The following RIPK1 variants were observed in gnomAD, a reference collection of about 807,000 sequenced individuals.
RIPK1 encodes receptor interacting serine/threonine kinase 1, also known as receptor-interacting serine/threonine-protein kinase 1.
In RIPK1, 27 loss-of-function variants were observed where a neutral mutation model predicts 62.4. The ratio of observed to expected loss-of-function variants is 0.43; its 90% CI spans 0.32 to 0.60. The LOEUF is 0.60. Among genes scored for constraint, RIPK1 ranks in the 20% least tolerant of loss-of-function variants. RIPK1 has a pLI of 0.07. For missense variants in RIPK1, 735 were observed against 831.0 expected (o/e 0.88, Z 1.42); for synonymous variants, 287 against 303.2 (o/e 0.95, Z 0.55).
chr6:3,098,991 G>A (rs888613167), intron 7 of RIPK1, among the ~76,000 whole-genome samples: 2 of 152,218 alleles, frequency 1.3e-5, no homozygotes, highest in African/African-American at 4.8e-5. Context: ...CACAGCTGCA[G>A]GCTGTTTGTT....
In RIPK1 at chr6:3,072,536, C is replaced by T. The variant is rs987138525; in HGVS notation, c.-61+3875C>T. On this transcript the variant is annotated intron_variant, in intron 1 of 10. Coordinates refer to ENST00000259808, the MANE Select transcript of RIPK1 (RefSeq NM_001354930.2). The surrounding 1 kb of genome is among the most constrained non-coding windows in gnomAD (Gnocchi z 5.6). ...ATATTTTTATTTTTATTTTTTTGGA[C>T]AATTAAATAGTTCTCTTTTTAAAAT... 1.3e-5 allele frequency among the ~76,000 whole-genome samples: 2 copies of T among 151,964 alleles called. No homozygotes were observed. Among genetic ancestry groups the T allele is most frequent in the African/African-American group, 4.8e-5 (2 of 41,378 alleles).
At chr6:3,069,217 T>C (rs538541352) in intron 1 of RIPK1, among the ~76,000 whole-genome samples, 1 of 152,326 alleles carries the variant, frequency 6.6e-6, no homozygotes, top group South Asian at 2.1e-4. Flanking sequence ...CAGTTTGGGC[T>C]CTTCCCTTAC....
rs773239446 is a variant in RIPK1 at position 3,077,939 on chromosome 6, G to A, written c.321+4G>A. The A allele has an allele frequency of 1.7e-5, 28 of 1,613,506 alleles. No homozygotes were observed. The highest frequency in any genetic ancestry group is 2.4e-5 in the Non-Finnish European group (28 of 1,179,908). ...GATGCACGTGCTGAAAGCCGAGGTA[G>A]AGAGGGCCCCTCCGCACGGGGATCC... is the stretch of plus-strand genomic sequence containing the variant. On this transcript the variant is annotated splice_donor_region_variant and intron_variant, in intron 3 of 10. Coordinates refer to ENST00000259808, the MANE Select transcript of RIPK1 (RefSeq NM_001354930.2).
At chr6:3,107,660 G>A (rs1373668672) in intron 9 of RIPK1, among the ~76,000 whole-genome samples, 1 of 151,688 alleles carries the variant, frequency 6.6e-6, no homozygotes, top group Admixed American at 6.6e-5. Flanking sequence ...AACAGCCTGA[G>A]TCCCTTCCCT....
chr6:3,083,191 C>T lies in RIPK1; in HGVS notation c.566C>T (p.Thr189Ile), dbSNP rs1193251671. ...VDGTAKKNGG[T>I]LYYMAPEHLN... ...GGCACCGCTAAGAAGAATGGCGGCA[C>T]CCTCTACTACATGGCGCCCGAGCAC... The change falls in exon 5 of 11, where the codon ACC (threonine) becomes ATC (isoleucine). Residue 189 changes from threonine (T) to isoleucine (I), a missense_variant. Transcript: ENST00000259808. 6.2e-7 allele frequency: 1 copy of T among 1,614,044 alleles called. No homozygotes were observed. The highest frequency in any genetic ancestry group is 8.5e-7 in the Non-Finnish European group (1 of 1,179,990).
chr6:3,064,099 A>C (rs1305418996), upstream of RIPK1: 5 of 152,210 alleles, frequency 3.3e-5, no homozygotes, highest in East Asian at 9.7e-4. Flanking sequence ...GGAGCACGGG[A>C]GTGGCGAGCT....
intron 9 of RIPK1, among the ~76,000 whole-genome samples, chr6:3,109,118 G>T (rs995144619): frequency 1.3e-5 from 2 of 152,178 alleles, no homozygotes; most frequent in African/African-American, 4.8e-5. Context: ...CCAGGCTAGC[G>T]AGTGTAAGGA....
intron 6 of RIPK1, 138 bp from the exon 7 acceptor site, chr6:3,089,443 C>T (rs906006786): frequency 1.3e-5 from 8 of 622,472 alleles, no homozygotes; most frequent in Non-Finnish European, 2.0e-5. Context: ...CTATCAGAGT[C>T]AGTGATTTGG....
chr6:3,076,343 A>C (rs1233900538), intron 1 of RIPK1, among the ~76,000 whole-genome samples: 1 of 152,134 alleles, frequency 6.6e-6, no homozygotes, highest in East Asian at 1.9e-4. Context: ...CACACCAAGC[A>C]TGTGGTGGAA....
chr6:3,108,910 G>C (rs959929150), intron 9 of RIPK1, among the ~76,000 whole-genome samples: 1 of 152,146 alleles, frequency 6.6e-6, no homozygotes, highest in Non-Finnish European at 1.5e-5. Context: ...CTGGTCCAGA[G>C]GGTGGCCTAC....
intron 7 of RIPK1, among the ~76,000 whole-genome samples, chr6:3,102,737 A>T (rs1760648545): frequency 2.0e-5 from 3 of 152,084 alleles, no homozygotes; most frequent in African/African-American, 7.2e-5. Flanking sequence ...AGTAGCTGGG[A>T]TTACAGGCAT....
chr6:3,086,901 G>GC (rs1198245673), intron 6 of RIPK1, among the ~76,000 whole-genome samples: 2 of 152,176 alleles, frequency 1.3e-5, no homozygotes, highest in Non-Finnish European at 2.9e-5. Flanking sequence ...CTGGTTGCTA[G>GC]CCCCCATTCT....
At chr6:3,100,095 A>G (rs187066731) in intron 7 of RIPK1, among the ~76,000 whole-genome samples, 297 of 152,336 alleles carry the variant, frequency 1.9e-3, no homozygotes, top group Non-Finnish European at 3.5e-3. Flanking sequence ...TCACAAAACA[A>G]TACTTACAGT....
upstream of RIPK1, among the ~76,000 whole-genome samples, chr6:3,065,590 G>T (rs1758347186): frequency 6.6e-6 from 1 of 152,062 alleles, no homozygotes; most frequent in Non-Finnish European, 1.5e-5. Context: ...GGCTCACCTG[G>T]AGGAGTCAGG....
intron 6 of RIPK1, among the ~76,000 whole-genome samples, chr6:3,086,160 A>G (rs1161872790): frequency 6.6e-6 from 1 of 152,176 alleles, no homozygotes; most frequent in Non-Finnish European, 1.5e-5. Flanking sequence ...GCAGTATTCT[A>G]TGGTGTGGAT....
chr6:3,098,247 A>C (rs1004671155), intron 7 of RIPK1, among the ~76,000 whole-genome samples: 2 of 152,266 alleles, frequency 1.3e-5, no homozygotes, highest in African/African-American at 2.4e-5. Context: ...CTGACAAAGG[A>C]CTTGAATACA....
At chr6:3,076,551 C>G (rs1166419049) in intron 1 of RIPK1, among the ~76,000 whole-genome samples, 1 of 151,348 alleles carries the variant, frequency 6.6e-6, no homozygotes, top group African/African-American at 2.4e-5. Flanking sequence ...CGGTGGGGTG[C>G]ACCTGTGGTC....
At chr6:3,109,035 TTAGGG>T (rs2113709292) in intron 9 of RIPK1, among the ~76,000 whole-genome samples, 1 of 152,250 alleles carries the variant, frequency 6.6e-6, no homozygotes, top group South Asian at 2.1e-4. Flanking sequence ...CAAGTGCTCT[TTAGGG>T]ACAGTACCAA....
At chr6:3,065,532 G>A (rs989846876), upstream of RIPK1, among the ~76,000 whole-genome samples, 31 of 152,106 alleles carry the variant, frequency 2.0e-4, no homozygotes, top group African/African-American at 7.5e-4. Context: ...CTTGGAGATG[G>A]GTGTGGGGGA....
Sources: gnomAD v4.1 joint callset for allele counts (sites outside exome capture counted in the v4.1 genomes callset) on GRCh38, gnomAD v4.1.1 for gene constraint, Gnocchi (gnomAD v3.1) non-coding constraint, MANE v1.5 for transcripts, NCBI Gene and HGNC (gene_info 2026-07-23, HGNC 2026-07-21) for gene names.